The following STPG2 variants were observed in gnomAD, a reference collection of about 807,000 sequenced individuals.
STPG2 encodes sperm tail PG-rich repeat containing 2.
STPG2 carries 56 observed loss-of-function variants against 54.2 expected under a neutral mutation model. The ratio of observed to expected loss-of-function variants is 1.03; its 90% CI spans 0.83 to 1.29. STPG2 has a LOEUF of 1.29. Among genes scored for constraint, STPG2 ranks in the 50% most tolerant of loss-of-function variants. The probability of loss-of-function intolerance (pLI) is 0.00; values close to 1 mark genes in which losing one functional copy is unlikely to be tolerated. For missense variants in STPG2, 596 were observed against 544.9 expected, an observed-to-expected ratio of 1.09 and a Z score of -0.93; for synonymous variants, 200 against 181.8, an observed-to-expected ratio of 1.10 and a Z score of -0.81.
At chr4:97,700,089 C>G (rs1394312008) in intron 10 of STPG2, among the ~76,000 whole-genome samples, 1 of 152,164 alleles carries the variant, frequency 6.6e-6, no homozygotes, top group Non-Finnish European at 1.5e-5. Context: ...AGCTGTCCCT[C>G]AAAAGGAGAG....
intron 4 of STPG2, among the ~76,000 whole-genome samples, chr4:97,533,586 C>G (rs980257930): frequency 2.6e-5 from 4 of 152,050 alleles, no homozygotes; most frequent in Non-Finnish European, 5.9e-5. Flanking sequence ...GTTCGTCTTG[C>G]CTGCCTCCAG....
intron 8 of STPG2, among the ~76,000 whole-genome samples, chr4:97,851,649 A>T (rs1282998948): frequency 6.6e-6 from 1 of 152,184 alleles, no homozygotes; most frequent in Non-Finnish European, 1.5e-5. Flanking sequence ...TAGAAGTAGA[A>T]ATATGTCCAT....
intron 4 of STPG2, among the ~76,000 whole-genome samples, chr4:97,543,076 A>G (rs973556796): frequency 2.0e-5 from 3 of 152,006 alleles, no homozygotes; most frequent in African/African-American, 7.3e-5. Context: ...ATATATATGT[A>G]ACAAACCTGC....
At chr4:97,939,751 T>C (rs952195864) in intron 8 of STPG2, among the ~76,000 whole-genome samples, 13 of 152,226 alleles carry the variant, frequency 8.5e-5, no homozygotes, top group South Asian at 4.1e-4. Flanking sequence ...TGCTTTTTTA[T>C]CCAGCTTGTC....
Position 97,990,482 on chromosome 4 carries a change from C to T in STPG2, c.613-9164G>A, listed in dbSNP as rs560011830. On this transcript the variant is annotated intron_variant, in intron 5 of 10. Transcript: ENST00000295268. ...TTTCCAAATTGTGACCAAAAGACAACCTGCATTAATATCAACCTATTAAAT... is the reference window on the plus strand; with the variant it reads ...TTTCCAAATTGTGACCAAAAGACAATCTGCATTAATATCAACCTATTAAAT... Among the ~76,000 whole-genome samples the T allele has an allele frequency of 2.0e-5, 3 of 152,118 alleles. No homozygotes were observed. In the South Asian group the frequency reaches 6.2e-4, roughly 32 times the overall value.
At chr4:97,603,239 A>G (rs766343199) in intron 10 of STPG2, among the ~76,000 whole-genome samples, 67 of 151,746 alleles carry the variant, frequency 4.4e-4, no homozygotes, top group Non-Finnish European at 7.4e-4. Context: ...TATCAGGGAA[A>G]TACACATCAA....
At chr4:97,735,101 A>G (rs1347594192) in intron 9 of STPG2, among the ~76,000 whole-genome samples, 1 of 152,040 alleles carries the variant, frequency 6.6e-6, no homozygotes, top group Non-Finnish European at 1.5e-5. Context: ...TGCACAACAA[A>G]GGAAACAATC....
intron 7 of STPG2, among the ~76,000 whole-genome samples, chr4:97,951,693 G>A (rs749865420): frequency 1.2e-4 from 18 of 151,828 alleles, no homozygotes; most frequent in Admixed American, 3.3e-4. Flanking sequence ...TATATCCTAC[G>A]GAGTTGGAAT....
chr4:98,082,875 A>G (rs1397770629), intron 5 of STPG2, among the ~76,000 whole-genome samples: 1 of 152,178 alleles, frequency 6.6e-6, no homozygotes, highest in Non-Finnish European at 1.5e-5. Flanking sequence ...ACATTGGCAC[A>G]CAAAGCCCTT....
At chr4:97,947,108 C>A (rs1225698745) in intron 7 of STPG2, among the ~76,000 whole-genome samples, 3 of 151,896 alleles carry the variant, frequency 2.0e-5, no homozygotes, top group Non-Finnish European at 4.4e-5. Context: ...GATCTTTCAC[C>A]TTGGTTAGTA....
intron 8 of STPG2, chr4:97,917,288 G>C (rs1345433714): frequency 6.6e-6 from 1 of 152,364 alleles, no homozygotes; most frequent in African/African-American, 2.4e-5. Context: ...CAACCGTCAG[G>C]GGCTTCTTCA....
chr4:98,028,730 T>C (rs1223563621), intron 5 of STPG2, among the ~76,000 whole-genome samples: 1 of 152,200 alleles, frequency 6.6e-6, no homozygotes, highest in African/African-American at 2.4e-5. Context: ...TCTTCCTCTT[T>C]GGAGTTTAGT....
In STPG2 at chr4:97,742,569, A is replaced by G. The variant is rs1184261855; in HGVS notation, c.1205-29755T>C. ...TGTGTGTGTGTGTGTGTGTGTGTCT[A>G]TATATATATGGAATACTATCAGGTC... On this transcript the variant is annotated intron_variant, in intron 9 of 10. Transcript: ENST00000295268. 2.4e-3 allele frequency among the ~76,000 whole-genome samples: 339 copies of G among 144,040 alleles called. 3 individuals carry two copies. Among genetic ancestry groups the G allele is most frequent in the African/African-American group, 8.1e-3 (317 of 39,030 alleles). The allele number at this position is 144,040 out of a possible 152,430, so 94.5% of individuals were successfully genotyped here. A position where few individuals can be genotyped will look rare whatever the true frequency, so the allele number is the denominator to read the frequency against.
At chr4:97,937,220 G>A (rs896149062) in intron 8 of STPG2, among the ~76,000 whole-genome samples, 2 of 151,852 alleles carry the variant, frequency 1.3e-5, no homozygotes, top group African/African-American at 4.8e-5. Flanking sequence ...GTGTTTCTCA[G>A]CTCCATCAGG....
At chr4:98,108,954 A>G (rs1438374481) in intron 4 of STPG2, among the ~76,000 whole-genome samples, 1 of 152,124 alleles carries the variant, frequency 6.6e-6, no homozygotes, top group Admixed American at 6.6e-5. Flanking sequence ...GGGTGCAGCA[A>G]AACACTATGG....
At chr4:97,643,832 T>G (rs1721832049) in intron 10 of STPG2, among the ~76,000 whole-genome samples, 1 of 151,818 alleles carries the variant, frequency 6.6e-6, no homozygotes, top group South Asian at 2.1e-4. Context: ...AGAATTTTGG[T>G]AAAATTCACC....
intron 10 of STPG2, among the ~76,000 whole-genome samples, chr4:97,610,693 C>T (rs1420580021): frequency 1.3e-5 from 2 of 151,944 alleles, no homozygotes; most frequent in Non-Finnish European, 2.9e-5. Flanking sequence ...GTAGCAGAGC[C>T]TTTTAGTTTC....
rs1006263732 is a variant in STPG2, at chr4:97,631,713, G to A, written c.1321-72596C>T. On this transcript the variant is annotated intron_variant, in intron 10 of 10. Transcript: ENST00000295268. Reference sequence around the variant, plus strand: ...CCACCATATTAAAGGAACAAAGCCTGAGAATGTCACCTGGTCTAGCAAGAA... The same window carrying A: ...CCACCATATTAAAGGAACAAAGCCTAAGAATGTCACCTGGTCTAGCAAGAA... Among the ~76,000 whole-genome samples the A allele has an allele frequency of 2.6e-5, 4 of 152,004 alleles. No homozygotes were observed. In the South Asian group the frequency reaches 6.2e-4, roughly 24 times the overall value.
intron 4 of STPG2, among the ~76,000 whole-genome samples, chr4:97,497,818 C>T (rs1730642408): frequency 6.6e-6 from 1 of 151,772 alleles, no homozygotes; most frequent in African/African-American, 2.4e-5. Context: ...TAACATTTTT[C>T]ATCCTTTTTG....
Sources: gnomAD v4.1 joint callset for allele counts (sites outside exome capture counted in the v4.1 genomes callset) on GRCh38, gnomAD v4.1.1 for gene constraint, MANE v1.5 for transcripts, NCBI Gene and HGNC (gene_info 2026-07-23, HGNC 2026-07-21) for gene names.